The following ASIC2 variants were observed in gnomAD, a reference collection of about 807,000 sequenced individuals.
ASIC2 encodes the protein acid sensing ion channel subunit 2, also known as acid-sensing ion channel 2.
ASIC2 carries 25 observed loss-of-function variants against 57.3 expected under a neutral mutation model. That is an observed-to-expected ratio of 0.44 (90% CI 0.32 to 0.61). ASIC2 has a LOEUF of 0.61. ASIC2 is among the 20% of genes least tolerant of loss of function. The pLI is 0.06. For missense variants in ASIC2, 641 were observed against 738.1 expected, an observed-to-expected ratio of 0.87 and a Z score of 1.52; for synonymous variants, 319 against 307.5, an observed-to-expected ratio of 1.04 and a Z score of -0.39.
intron 1 of ASIC2, among the ~76,000 whole-genome samples, chr17:33,262,936 C>G (rs536761305): frequency 2.6e-5 from 4 of 152,118 alleles, no homozygotes; most frequent in Non-Finnish European, 5.9e-5. Context: ...AGACATGCCA[C>G]GTCTCAGCCA....
intron 1 of ASIC2, among the ~76,000 whole-genome samples, chr17:33,813,882 C>A (rs1245231771): frequency 2.0e-5 from 3 of 152,178 alleles, no homozygotes; most frequent in Non-Finnish European, 4.4e-5. Flanking sequence ...CACGTTTCCG[C>A]AAATCTGTTG....
intron 1 of ASIC2, among the ~76,000 whole-genome samples, chr17:33,667,547 G>A (rs1907514576): frequency 6.6e-6 from 1 of 152,142 alleles, no homozygotes; most frequent in Non-Finnish European, 1.5e-5. Context: ...ATACAGAGGG[G>A]CGTGGGCTTC....
At chr17:33,630,761 C>T (rs1906139645) in intron 1 of ASIC2, among the ~76,000 whole-genome samples, 1 of 152,202 alleles carries the variant, frequency 6.6e-6, no homozygotes, top group African/African-American at 2.4e-5. Flanking sequence ...AGTGTTCAGT[C>T]ACACTGCCTG....
chr17:33,274,713 T>C (rs942923407), intron 1 of ASIC2, among the ~76,000 whole-genome samples: 7 of 152,180 alleles, frequency 4.6e-5, no homozygotes, highest in African/African-American at 1.7e-4. Context: ...AAAACAAAAT[T>C]TCCCCAGATG....
At chr17:33,103,427 A>G (rs776052104) in intron 2 of ASIC2, among the ~76,000 whole-genome samples, 2 of 152,222 alleles carry the variant, frequency 1.3e-5, no homozygotes, top group East Asian at 1.9e-4. Context: ...GCCTGGCTCT[A>G]TATCTTGTGC....
chr17:34,042,604 T>C (rs1908182222), intron 1 of ASIC2, among the ~76,000 whole-genome samples: 2 of 152,040 alleles, frequency 1.3e-5, no homozygotes, highest in South Asian at 2.1e-4. Flanking sequence ...GAAGAAAACA[T>C]TGATGGGGAC....
At chr17:34,144,400 T>TC (rs1402806317) in intron 1 of ASIC2, among the ~76,000 whole-genome samples, 1 of 152,148 alleles carries the variant, frequency 6.6e-6, no homozygotes, top group African/African-American at 2.4e-5. Flanking sequence ...ACAGCCTCAT[T>TC]CCCCATACTT....
intron 1 of ASIC2, among the ~76,000 whole-genome samples, chr17:33,314,781 G>A (rs1906574414): frequency 6.6e-6 from 1 of 152,196 alleles, no homozygotes; most frequent in Non-Finnish European, 1.5e-5. Flanking sequence ...CTATTTTTAT[G>A]CTTTGAAAGC....
At chr17:34,092,159 T>C (rs1910357788) in intron 1 of ASIC2, among the ~76,000 whole-genome samples, 1 of 152,194 alleles carries the variant, frequency 6.6e-6, no homozygotes, top group African/African-American at 2.4e-5. Flanking sequence ...TCATGTGCAG[T>C]GAGCAGAAGT....
At chr17:33,814,089 T>C (rs1434185528) in intron 1 of ASIC2, among the ~76,000 whole-genome samples, 1 of 152,056 alleles carries the variant, frequency 6.6e-6, no homozygotes, top group African/African-American at 2.4e-5. Flanking sequence ...AGAAATGAGT[T>C]TCTCCATGCC....
At chr17:33,790,781 A>G (rs755816528) in intron 1 of ASIC2, among the ~76,000 whole-genome samples, 3 of 152,330 alleles carry the variant, frequency 2.0e-5, no homozygotes, top group East Asian at 1.9e-4. Flanking sequence ...ACTGATAAAG[A>G]TGATGATGAC....
chr17:33,909,520 A>G (rs1915417138), intron 1 of ASIC2, among the ~76,000 whole-genome samples: 1 of 152,122 alleles, frequency 6.6e-6, no homozygotes, highest in African/African-American at 2.4e-5. Context: ...AGCATGGGCT[A>G]TGGAGCCCAT....
rs529631973 is a variant in ASIC2 at position 33,320,494 on chromosome 17, G to A, written c.556-208427C>T. ...CCTAGGGAAGGTGGTGGGATTGCCC[G>A]AAGTCAGGGAGCCAGTTGGAGACAG... On this transcript the variant is annotated intron_variant, in intron 1 of 9. Coordinates refer to the ASIC2 transcript ENST00000359872. Among the ~76,000 whole-genome samples the A allele has an allele frequency of 1.2e-4, 19 of 152,306 alleles. No individual in the cohort carries two copies. The East Asian group carries it at 1.5e-3, about 12-fold the overall frequency.
At chr17:33,159,759 A>G (rs1320432359) in intron 1 of ASIC2, among the ~76,000 whole-genome samples, 2 of 152,218 alleles carry the variant, frequency 1.3e-5, no homozygotes, top group Non-Finnish European at 2.9e-5. Context: ...TCAGACTACT[A>G]TATTGAACTG....
At chr17:34,030,179 G>A (rs547616535) in intron 1 of ASIC2, among the ~76,000 whole-genome samples, 25 of 152,268 alleles carry the variant, frequency 1.6e-4, no homozygotes, top group African/African-American at 6.0e-4. Flanking sequence ...TTGCATATAA[G>A]CCCAAGAAAG....
intron 1 of ASIC2, among the ~76,000 whole-genome samples, chr17:33,981,986 G>C (rs535907303): frequency 2.6e-5 from 4 of 152,314 alleles, no homozygotes; most frequent in African/African-American, 9.6e-5. Flanking sequence ...AGGTTGAGGA[G>C]CCTCAAGAAG....
intron 1 of ASIC2, among the ~76,000 whole-genome samples, chr17:33,303,932 A>G (rs1360239691): frequency 6.6e-6 from 1 of 152,262 alleles, no homozygotes; most frequent in Non-Finnish European, 1.5e-5. Flanking sequence ...GAGCTATGAA[A>G]AAAAACAGTT....
At chr17:33,338,697 A>G (rs777336215) in intron 1 of ASIC2, among the ~76,000 whole-genome samples, 4 of 152,234 alleles carry the variant, frequency 2.6e-5, no homozygotes, top group Non-Finnish European at 4.4e-5. Context: ...AAAGGGTTAC[A>G]GTACACAAAA....
chr17:33,367,880 C>T (rs547483417), intron 1 of ASIC2, among the ~76,000 whole-genome samples: 17 of 152,156 alleles, frequency 1.1e-4, no homozygotes, highest in East Asian at 1.9e-4. Context: ...CTTCTTTGTT[C>T]GAGCTTAGGT....
Sources: allele counts gnomAD v4.1 joint callset (sites outside exome capture counted in the v4.1 genomes callset), GRCh38; gene constraint gnomAD v4.1.1; transcripts MANE v1.5; gene names NCBI Gene and HGNC (gene_info 2026-07-23, HGNC 2026-07-21).